CHRNA3: variants seen among roughly 807,000 people sequenced by gnomAD.
CHRNA3 encodes the protein cholinergic receptor nicotinic alpha 3 subunit, also known as neuronal acetylcholine receptor subunit alpha-3.
Under a neutral mutation model 41.9 loss-of-function variants are expected in CHRNA3, and 34 were observed. The observed-to-expected ratio is 0.81, with a 90% confidence interval of 0.62 to 1.08. CHRNA3 has a LOEUF of 1.08. Ranked by LOEUF, CHRNA3 falls within the 50% of genes least tolerant of loss-of-function variation. The probability of loss-of-function intolerance (pLI) is 0.00; values close to 1 mark genes in which losing one functional copy is unlikely to be tolerated. For synonymous variants in CHRNA3, 281 were observed against 265.2 expected (o/e 1.06, Z -0.58); for missense variants, 542 against 638.3 (o/e 0.85, Z 1.63).
At chr15:78,609,156 A>G (rs2053343894) in intron 4 of CHRNA3, among the ~76,000 whole-genome samples, 1 of 152,204 alleles carries the variant, frequency 6.6e-6, no homozygotes, top group Admixed American at 6.5e-5. Context: ...AACACTCTGC[A>G]GGATATTATC....
At chr15:78,609,842 C>T (rs1192926302) in intron 4 of CHRNA3, among the ~76,000 whole-genome samples, 65 of 152,212 alleles carry the variant, frequency 4.3e-4, no homozygotes, top group East Asian at 1.4e-3. Flanking sequence ...CCATTTCACA[C>T]GCAGAGACAC....
At chr15:78,597,861 C>A (rs929600901) in intron 5 of CHRNA3, among the ~76,000 whole-genome samples, 2 of 152,040 alleles carry the variant, frequency 1.3e-5, no homozygotes, top group Admixed American at 1.3e-4. Context: ...ACTGAAATGG[C>A]GCTGGGAGAT....
intron 3 of CHRNA3, 139 bp from the exon 4 acceptor site, chr15:78,617,272 T>C (rs2053477953): frequency 3.2e-6 from 2 of 631,238 alleles, no homozygotes; most frequent in Non-Finnish European, 5.7e-6. Flanking sequence ...GATCACATAG[T>C]CCAACTTCTC....
At chr15:78,616,025 A>G (rs113389579) in intron 4 of CHRNA3, among the ~76,000 whole-genome samples, 6,037 of 148,950 alleles carry the variant, frequency 0.041, 365 homozygotes, top group African/African-American at 0.13. Context: ...TACAGGCATC[A>G]GCCACCATGC....
At chr15:78,597,324 G>A (rs1234608054) in intron 5 of CHRNA3, among the ~76,000 whole-genome samples, 2 of 152,178 alleles carry the variant, frequency 1.3e-5, no homozygotes, top group African/African-American at 4.8e-5. Flanking sequence ...CCAGCTACTT[G>A]GGAGGCTGAG....
chr15:78,595,830 A>G lies in CHRNA3; in HGVS notation c.*774T>C, dbSNP rs1287580464. 1 of 153,918 alleles carries G rather than the reference A, an allele frequency of 6.5e-6. No homozygotes were observed. The highest frequency in any genetic ancestry group is 1.4e-5 in the Non-Finnish European group (1 of 69,700). The allele number at this position is 153,918 out of a possible 1,614,324, so 9.5% of individuals were successfully genotyped here. A position where few individuals can be genotyped will look rare whatever the true frequency, so the allele number is the denominator to read the frequency against. On this transcript the variant is annotated 3_prime_UTR_variant, in exon 6 of 6. Coordinates refer to ENST00000326828, the MANE Select transcript of CHRNA3 (RefSeq NM_000743.5). Reference sequence around the variant, plus strand: ...TCTCATGAATGGGGTTAGTGCCCTTATAAAATAGACCCCACAGAGATAGCT... The same window carrying G: ...TCTCATGAATGGGGTTAGTGCCCTTGTAAAATAGACCCCACAGAGATAGCT...
chr15:78,594,012 CT>C, downstream of CHRNA3: 1 of 152,212 alleles, frequency 6.6e-6, no homozygotes, highest in East Asian at 1.9e-4. Flanking sequence ...GCACTCCAGC[CT>C]GGGCAACAAG....
At chr15:78,598,876 TA>T (rs1596071091) in intron 5 of CHRNA3, among the ~76,000 whole-genome samples, 1 of 135,628 alleles carries the variant, frequency 7.4e-6, no homozygotes, top group African/African-American at 2.8e-5. Flanking sequence ...CTCTGTCACC[TA>T]GGCTGGAGTC....
At chr15:78,610,937 A>T (rs1475807982) in intron 4 of CHRNA3, among the ~76,000 whole-genome samples, 1 of 152,230 alleles carries the variant, frequency 6.6e-6, no homozygotes, top group Non-Finnish European at 1.5e-5. Context: ...AGAATACTAC[A>T]AACAACTCTA....
chr15:78,600,052 T>C (rs2053173646), intron 5 of CHRNA3: 1 of 150,044 alleles, frequency 6.7e-6, no homozygotes, highest in Non-Finnish European at 1.5e-5. Flanking sequence ...TAATCAATTA[T>C]CAAATAAGTC....
In CHRNA3 at chr15:78,595,972, G is replaced by C; in HGVS notation, c.*632C>G. On this transcript the variant is annotated 3_prime_UTR_variant, in exon 6 of 6. Transcript: ENST00000326828. ...TGGACCTCCCAACCTCCAAAACTGA[G>C]AAGTTTCTGTTGTTTATAATCCACC... 1 of 862,334 alleles carries C rather than the reference G, an allele frequency of 1.2e-6. No homozygotes were observed. Among genetic ancestry groups the C allele is most frequent in the South Asian group, 5.4e-5 (1 of 18,562 alleles). The allele number at this position is 862,334 out of a possible 1,614,324, so 53.4% of individuals were successfully genotyped here.
chr15:78,620,617 G>A, intron 1 of CHRNA3, 96 bp downstream of exon 1: 1 of 1,419,900 alleles, frequency 7.0e-7, no homozygotes, highest in Non-Finnish European at 9.1e-7. Context: ...AGCCCTCTCC[G>A]CTCGCCCGCG....
chr15:78,602,242 C>A lies in CHRNA3; in HGVS notation c.400G>T (p.Asp134Tyr), dbSNP rs1266118924. ...TTGAGTAAGGCTTTGGTCTTGTCGT[C>A]CACCTGGAAATCCCCAACAGCACTG... Reference protein sequence around the residue: ...YNNAVGDFQVDDKTKALLKYT... With the variant: ...YNNAVGDFQVYDKTKALLKYT... The change falls in exon 5 of 6, where the codon GAC becomes TAC. Residue 134 changes from aspartate (D) to tyrosine (Y), a missense_variant. Coordinates refer to ENST00000326828, the MANE Select transcript of CHRNA3 (RefSeq NM_000743.5). 1.2e-5 allele frequency: 19 copies of A among 1,613,630 alleles called. No individual in the cohort carries two copies. The highest frequency in any genetic ancestry group is 1.6e-5 in the Non-Finnish European group (19 of 1,179,750).
intron 4 of CHRNA3, 128 bp downstream of exon 4, chr15:78,616,896 T>G: frequency 1.6e-6 from 1 of 632,330 alleles, no homozygotes; most frequent in Non-Finnish European, 2.8e-6. Context: ...TACATACCTA[T>G]GGACTGAACA....
In CHRNA3 at chr15:78,596,387, CA is replaced by C. The variant is rs1444682999; in HGVS notation, c.*216del. 15 of 1,211,598 alleles carry C rather than the reference CA, an allele frequency of 1.2e-5. No individual in the cohort carries two copies. The highest frequency in any genetic ancestry group is 1.4e-5 in the Non-Finnish European group (14 of 973,080). 75.1% of individuals were successfully genotyped at this position (1,211,598 alleles called of 1,614,324 possible). A position where few individuals can be genotyped will look rare whatever the true frequency, so the allele number is the denominator to read the frequency against. ...GAATCACATTTTGACATCTCTTTAC[CA>C]TACCAAAAAGGCTAGTTAAATGTTC... On this transcript the variant is annotated 3_prime_UTR_variant, in exon 6 of 6. Coordinates refer to ENST00000326828, the MANE Select transcript of CHRNA3 (RefSeq NM_000743.5).
intron 4 of CHRNA3, among the ~76,000 whole-genome samples, chr15:78,611,781 T>C (rs2053383504): frequency 6.6e-6 from 1 of 151,908 alleles, no homozygotes; most frequent in African/African-American, 2.4e-5. Context: ...AGTCAAATTG[T>C]CCCTGTTTGC....
intron 5 of CHRNA3, among the ~76,000 whole-genome samples, chr15:78,599,282 C>G (rs990814385): frequency 1.1e-4 from 16 of 152,102 alleles, no homozygotes; most frequent in Admixed American, 5.2e-4. Context: ...TGGCTTATAT[C>G]TAGCTCCTAA....
At chr15:78,597,341 G>A (rs981127589) in intron 5 of CHRNA3, among the ~76,000 whole-genome samples, 2 of 152,210 alleles carry the variant, frequency 1.3e-5, no homozygotes, top group African/African-American at 4.8e-5. Context: ...TGAGGCATGA[G>A]AATTTCTTGA....
At chr15:78,615,411 G>A (rs2053445705) in intron 4 of CHRNA3, among the ~76,000 whole-genome samples, 1 of 152,152 alleles carries the variant, frequency 6.6e-6, no homozygotes, top group Admixed American at 6.5e-5. Flanking sequence ...TGCATCCACT[G>A]CCCACAGTGG....
Sources: allele counts gnomAD v4.1 joint callset (sites outside exome capture counted in the v4.1 genomes callset), GRCh38; gene constraint gnomAD v4.1.1; transcripts MANE v1.5; gene names NCBI Gene and HGNC (gene_info 2026-07-23, HGNC 2026-07-21).